The following CLTCL1 variants were observed in gnomAD, a reference collection of about 807,000 sequenced individuals.
The protein encoded by CLTCL1 is clathrin heavy chain like 1.
In CLTCL1, 159 loss-of-function variants were observed where a neutral mutation model predicts 190.0. That is an observed-to-expected ratio of 0.84 (90% CI 0.74 to 0.95). The LOEUF (loss-of-function observed/expected upper bound fraction) is 0.95, where lower values mean the gene tolerates loss of function less well. CLTCL1 is among the 40% of genes least tolerant of loss of function. The probability of loss-of-function intolerance (pLI) is 0.00; values close to 1 mark genes in which losing one functional copy is unlikely to be tolerated. For synonymous variants in CLTCL1, 752 were observed against 769.6 expected (o/e 0.98, Z 0.38); for missense variants, 1,878 against 2,033.4 (o/e 0.92, Z 1.47).
chr22:19,220,094 G>T (rs1569186518), intron 17 of CLTCL1, 87 bp from the exon 18 acceptor site: 1 of 1,543,588 alleles, frequency 6.5e-7, no homozygotes. Flanking sequence ...TTCCCTGTGT[G>T]CCTGATACTG....
At chr22:19,261,000 T>C (rs1376987405) in intron 2 of CLTCL1, among the ~76,000 whole-genome samples, 1 of 152,106 alleles carries the variant, frequency 6.6e-6, no homozygotes, top group East Asian at 1.9e-4. Flanking sequence ...CTAAGAGCTC[T>C]GACGGAGATA....
intron 1 of CLTCL1, among the ~76,000 whole-genome samples, chr22:19,282,778 G>A (rs782115174): frequency 1.3e-5 from 2 of 151,812 alleles, no homozygotes; most frequent in Non-Finnish European, 2.9e-5. Flanking sequence ...CATCTAAGAT[G>A]CCAGATACTA....
intron 2 of CLTCL1, among the ~76,000 whole-genome samples, chr22:19,261,114 CA>C (rs1293909094): frequency 6.8e-6 from 1 of 146,964 alleles, no homozygotes; most frequent in African/African-American, 2.6e-5. Context: ...TTAAGAAATG[CA>C]TTTTTTTTTT....
intron 21 of CLTCL1, 102 bp downstream of exon 21, chr22:19,208,820 T>A: frequency 1.1e-6 from 1 of 949,058 alleles, no homozygotes; most frequent in Non-Finnish European, 1.6e-6. Context: ...TATCTCTGGA[T>A]ACATCATACG....
rs5748064 is a variant in CLTCL1 at position 19,241,439 on chromosome 22, G to A, written c.681+1336C>T. Among the ~76,000 whole-genome samples, 1,432 of 152,324 alleles carry A rather than the reference G, an allele frequency of 9.4e-3. 35 individuals are homozygous for A. The highest frequency in any genetic ancestry group is 0.069 in the East Asian group (355 of 5,176). On this transcript the variant is annotated intron_variant, in intron 4 of 32. Coordinates refer to ENST00000427926, the MANE Select transcript of CLTCL1 (RefSeq NM_007098.4). Reference sequence around the variant, plus strand: ...TTCATCAGCAACAAGGCTGACACGTGACCCGAGTCCTTTTCCTTCTGGCTC... The same window carrying A: ...TTCATCAGCAACAAGGCTGACACGTAACCCGAGTCCTTTTCCTTCTGGCTC...
At position 19,221,620 on chromosome 22, in the gene CLTCL1, GA is replaced by G. The variant is rs782674047; in HGVS notation, c.2562-10del. On this transcript the variant is annotated splice_polypyrimidine_tract_variant and intron_variant, in intron 16 of 32. Coordinates refer to ENST00000427926, the MANE Select transcript of CLTCL1 (RefSeq NM_007098.4). Reference sequence around the variant, plus strand: ...GAAGCAGCAGCTTGAGCCTTTGAAAGAAGGAAGGTGCTGTAAAGTCTCAAGG... The same window carrying G: ...GAAGCAGCAGCTTGAGCCTTTGAAAGAGGAAGGTGCTGTAAAGTCTCAAGG... The G allele has an allele frequency of 1.5e-5, 24 of 1,566,198 alleles. No homozygotes were observed. In the African/African-American group the frequency reaches 2.6e-4, roughly 17 times the overall value.
chr22:19,235,138 G>A (rs1457475210), intron 6 of CLTCL1, among the ~76,000 whole-genome samples: 1 of 151,716 alleles, frequency 6.6e-6, no homozygotes, highest in African/African-American at 2.4e-5. Context: ...CCAAAGTGCT[G>A]GGATTATAGG....
At chr22:19,199,656 A>C (rs782294078) in intron 24 of CLTCL1, 78 bp downstream of exon 24, 7 of 1,067,800 alleles carry the variant, frequency 6.6e-6, no homozygotes, top group Non-Finnish European at 9.6e-6. Flanking sequence ...TCACGAGCTA[A>C]GGGGATGACC....
intron 4 of CLTCL1, among the ~76,000 whole-genome samples, chr22:19,241,226 G>C (rs965006138): frequency 5.3e-5 from 8 of 152,198 alleles, no homozygotes; most frequent in Non-Finnish European, 2.9e-5. Context: ...CTCTTCTTGG[G>C]GCTGCCGTCT....
intron 27 of CLTCL1, among the ~76,000 whole-genome samples, chr22:19,189,183 G>A (rs567292482): frequency 2.6e-5 from 4 of 152,254 alleles, no homozygotes; most frequent in East Asian, 1.9e-4. Flanking sequence ...GATTACAGGC[G>A]TGAGCCACCG....
intron 3 of CLTCL1, among the ~76,000 whole-genome samples, chr22:19,246,759 G>A (rs2086432912): frequency 6.6e-6 from 1 of 152,130 alleles, no homozygotes; most frequent in African/African-American, 2.4e-5. Context: ...CATTCGAGTG[G>A]GTGTAAAGTG....
intron 4 of CLTCL1, 84 bp from the exon 5 acceptor site, chr22:19,239,472 C>T (rs1555964144): frequency 2.0e-5 from 18 of 907,546 alleles, no homozygotes; most frequent in Non-Finnish European, 5.6e-6. Flanking sequence ...CAAGTGGAGC[C>T]TCAGCTCCAC....
rs1569270073 is a variant in CLTCL1 at position 19,291,665 on chromosome 22, GGCGGCGGCA to G, written c.-33_-25del. 2 of 1,364,310 alleles carry G rather than the reference GGCGGCGGCA, an allele frequency of 1.5e-6. No homozygotes were observed. The highest frequency in any genetic ancestry group is 1.7e-5 in the South Asian group (1 of 57,982). 84.5% of individuals were successfully genotyped at this position (1,364,310 alleles called of 1,614,324 possible). A position where few individuals can be genotyped will look rare whatever the true frequency, so the allele number is the denominator to read the frequency against. ...ATGGCTGGTGCGGGACCTCGGCGGC[GGCGGCGGCA>G]GCGGCAGGAATGAACGCCGACCCCT... On this transcript the variant is annotated 5_prime_UTR_variant, in exon 1 of 33. Coordinates refer to ENST00000427926, the MANE Select transcript of CLTCL1 (RefSeq NM_007098.4).
chr22:19,201,186 C>G (rs1457291945), intron 23 of CLTCL1, 143 bp downstream of exon 23: 2 of 1,011,844 alleles, frequency 2.0e-6, no homozygotes, highest in African/African-American at 3.2e-5. Context: ...AAACACTAGC[C>G]TAGAGACTCT....
At chr22:19,183,190 T>G in intron 30 of CLTCL1, 200 bp downstream of exon 30, 1 of 566,940 alleles carries the variant, frequency 1.8e-6, no homozygotes. Context: ...CCCATGATGA[T>G]TTTCTGGAGG....
At chr22:19,243,260 A>C (rs1555966428) in intron 3 of CLTCL1, among the ~76,000 whole-genome samples, 1 of 152,230 alleles carries the variant, frequency 6.6e-6, no homozygotes, top group East Asian at 1.9e-4. Context: ...AATAGTAGTT[A>C]AATCGGGGGA....
At chr22:19,282,293 C>T (rs1280285024) in intron 1 of CLTCL1, among the ~76,000 whole-genome samples, 8 of 151,068 alleles carry the variant, frequency 5.3e-5, no homozygotes, top group Non-Finnish European at 8.8e-5. Flanking sequence ...CGCGCCACTG[C>T]ACTCCAGCCT....
Position 19,283,320 on chromosome 22 carries a change from G to A in CLTCL1, c.43-7490C>T, listed in dbSNP as rs28398200. On this transcript the variant is annotated intron_variant, in intron 1 of 32. Transcript: ENST00000427926. ...TTTTGAGACAGAGTCTTGCTCTGTC[G>A]CCAAGGCTGGAGTGCAGTGGTGCAA... Among the ~76,000 whole-genome samples, 70 of 149,898 alleles carry A rather than the reference G, an allele frequency of 4.7e-4. 1 individual carries two copies. The highest frequency in any genetic ancestry group is 3.8e-3 in the Middle Eastern group (1 of 266).
intron 7 of CLTCL1, 49 bp downstream of exon 7, chr22:19,234,460 G>T: frequency 6.9e-7 from 1 of 1,448,992 alleles, no homozygotes; most frequent in Non-Finnish European, 9.4e-7. Flanking sequence ...TCCTCTCAAG[G>T]TTGGTTCTTA....
Sources: allele counts gnomAD v4.1 joint callset (sites outside exome capture counted in the v4.1 genomes callset), GRCh38; gene constraint gnomAD v4.1.1; transcripts MANE v1.5; gene names NCBI Gene and HGNC (gene_info 2026-07-23, HGNC 2026-07-21).